SORCS2: variants seen among roughly 807,000 people sequenced by gnomAD.
The protein encoded by SORCS2 is sortilin related VPS10 domain containing receptor 2, also known as VPS10 domain-containing receptor SorCS2.
Under a neutral mutation model 141.6 loss-of-function variants are expected in SORCS2, and 100 were observed. That is an observed-to-expected ratio of 0.71 (90% CI 0.60 to 0.83). SORCS2 has a LOEUF of 0.83. SORCS2 is among the 40% of genes least tolerant of loss of function. The pLI is 0.00. For synonymous variants in SORCS2, 789 were observed against 676.9 expected, an observed-to-expected ratio of 1.17 and a Z score of -2.57; for missense variants, 1,646 against 1,560.2, an observed-to-expected ratio of 1.05 and a Z score of -0.93.
rs142669968 is a variant in SORCS2, at chr4:7,709,347, G to A, written c.1869-3386G>A. ...GTCTCTGCAGGGTGCCAAGCCCTTC[G>A]CCCCGGCTGTCATGAGGTCTGAGCC... On this transcript the variant is annotated intron_variant, in intron 14 of 26. Coordinates refer to ENST00000507866, the MANE Select transcript of SORCS2 (RefSeq NM_020777.3). Among the ~76,000 whole-genome samples the A allele has an allele frequency of 7.6e-4, 116 of 152,308 alleles. 1 individual carries two copies. The East Asian group carries it at 0.017, about 22-fold the overall frequency.
intron 2 of SORCS2, among the ~76,000 whole-genome samples, chr4:7,467,453 C>T (rs561060699): frequency 6.6e-6 from 1 of 152,340 alleles, no homozygotes; most frequent in African/African-American, 2.4e-5. Context: ...GTCCTCACAG[C>T]TCTCATCATC....
chr4:7,548,530 C>T (rs959812511), intron 3 of SORCS2, among the ~76,000 whole-genome samples: 2 of 152,326 alleles, frequency 1.3e-5, no homozygotes, highest in South Asian at 2.1e-4. Flanking sequence ...TTATCATCCC[C>T]ACCTACAGAC....
At position 7,282,001 on chromosome 4, in the gene SORCS2, C is replaced by T. The variant is rs28387027; in HGVS notation, c.480+88875C>T. On this transcript the variant is annotated intron_variant, in intron 1 of 26. Coordinates refer to ENST00000507866, the MANE Select transcript of SORCS2 (RefSeq NM_020777.3). ...CCCACTCCTGAAATTGCTTCCCTCG[C>T]CACTCTGCCTCGTGGAGCTCCTAAG... Among the ~76,000 whole-genome samples, 1,419 of 152,344 alleles carry T rather than the reference C, an allele frequency of 9.3e-3. 21 individuals carry two copies. The highest frequency in any genetic ancestry group is 0.032 in the African/African-American group (1,341 of 41,570).
chr4:7,398,479 C>T (rs79100322), intron 2 of SORCS2, among the ~76,000 whole-genome samples: 3,214 of 152,282 alleles, frequency 0.021, 32 homozygotes, highest in African/African-American at 0.025. Flanking sequence ...TTTAATTTTC[C>T]GTGTTCCCTT....
At chr4:7,674,578 TAAAAAAA>T (rs377431157) in intron 8 of SORCS2, among the ~76,000 whole-genome samples, 13,263 of 82,802 alleles carry the variant, frequency 0.16, 441 homozygotes, top group East Asian at 0.28. Context: ...TGTCTCAAAA[TAAAAAAA>T]AAAAAAAAAA....
intron 1 of SORCS2, among the ~76,000 whole-genome samples, chr4:7,254,703 C>T (rs751478137): frequency 8.5e-5 from 13 of 152,142 alleles, no homozygotes; most frequent in Admixed American, 6.5e-4. Context: ...ATTCCATGGA[C>T]GTGACTTTGG....
At chr4:7,224,136 T>A (rs1245968861) in intron 1 of SORCS2, among the ~76,000 whole-genome samples, 1 of 152,130 alleles carries the variant, frequency 6.6e-6, no homozygotes, top group Admixed American at 6.5e-5. Flanking sequence ...AGGATGCAGA[T>A]CCAGATCCAT....
intron 3 of SORCS2, among the ~76,000 whole-genome samples, chr4:7,571,881 C>T (rs1276135239): frequency 2.6e-5 from 4 of 152,184 alleles, no homozygotes; most frequent in Admixed American, 2.0e-4. Context: ...TTGTCGACCC[C>T]CCTCGCGGTG....
intron 3 of SORCS2, among the ~76,000 whole-genome samples, chr4:7,540,297 C>G (rs768893370): frequency 1.8e-3 from 266 of 151,738 alleles, no homozygotes; most frequent in Non-Finnish European, 2.9e-3. Flanking sequence ...TCCTCTCCTT[C>G]TGGACCTGAG....
intron 2 of SORCS2, among the ~76,000 whole-genome samples, chr4:7,449,560 C>T (rs974205030): frequency 9.2e-5 from 14 of 151,482 alleles, no homozygotes; most frequent in East Asian, 6.0e-4. Flanking sequence ...AGGGCTTCTG[C>T]GACCCAGCAC....
chr4:7,667,047 A>T, intron 7 of SORCS2, 77 bp from the exon 8 acceptor site: 1 of 1,277,392 alleles, frequency 7.8e-7, no homozygotes, highest in South Asian at 1.2e-5. Flanking sequence ...TGAATATAAC[A>T]TGTAGTTTTT....
chr4:7,234,779 C>G (rs1018052672), intron 1 of SORCS2, among the ~76,000 whole-genome samples: 1 of 152,262 alleles, frequency 6.6e-6, no homozygotes, highest in African/African-American at 2.4e-5. Context: ...TAGGCCCTGA[C>G]AGCGCAGCCT....
chr4:7,585,323 G>T (rs867178271), intron 3 of SORCS2, among the ~76,000 whole-genome samples: 2 of 152,158 alleles, frequency 1.3e-5, no homozygotes, highest in Non-Finnish European at 2.9e-5. Context: ...CTCAAAACCC[G>T]CCGGACTTCC....
chr4:7,724,474 ATGGTGGTGATGG>A (rs1217783594), intron 19 of SORCS2, among the ~76,000 whole-genome samples: 6 of 26,200 alleles, frequency 2.3e-4, no homozygotes, highest in African/African-American at 4.5e-4. Context: ...GGTGATGGTG[ATGGTGGTGATGG>A]TGGTGGTGGT....
intron 1 of SORCS2, among the ~76,000 whole-genome samples, chr4:7,248,507 T>A (rs1038933561): frequency 6.6e-6 from 1 of 152,158 alleles, no homozygotes; most frequent in Non-Finnish European, 1.5e-5. Flanking sequence ...GAAGACAGAA[T>A]CTGTGAAGTG....
chr4:7,199,131 C>A (rs1229859317), intron 1 of SORCS2, among the ~76,000 whole-genome samples: 1 of 152,200 alleles, frequency 6.6e-6, no homozygotes, highest in Non-Finnish European at 1.5e-5. Context: ...CGTGCTCTCT[C>A]TCGACCTGGG....
At chr4:7,487,829 C>T (rs1003924252) in intron 2 of SORCS2, among the ~76,000 whole-genome samples, 20 of 152,128 alleles carry the variant, frequency 1.3e-4, no homozygotes, top group Admixed American at 8.5e-4. Flanking sequence ...GTGCTCTCTG[C>T]GCTTTAATTA....
intron 7 of SORCS2, 75 bp from the exon 8 acceptor site, chr4:7,667,049 G>A (rs1722546955): frequency 6.2e-6 from 8 of 1,291,080 alleles, no homozygotes; most frequent in Middle Eastern, 1.8e-4. Context: ...AATATAACAT[G>A]TAGTTTTTCA....
At chr4:7,719,226 G>C (rs918779157) in intron 18 of SORCS2, among the ~76,000 whole-genome samples, 5 of 152,236 alleles carry the variant, frequency 3.3e-5, no homozygotes, top group Non-Finnish European at 7.3e-5. Context: ...TGGTGACAAA[G>C]GTCTTTGGAG....
Sources: gnomAD v4.1 joint callset for allele counts (sites outside exome capture counted in the v4.1 genomes callset) on GRCh38, gnomAD v4.1.1 for gene constraint, MANE v1.5 for transcripts, NCBI Gene and HGNC (gene_info 2026-07-23, HGNC 2026-07-21) for gene names.